The following GPR62 variants were observed in gnomAD, a reference collection of about 807,000 sequenced individuals.
GPR62 encodes the protein G-protein coupled receptor GPCR8.
For missense variants in GPR62, 513 were observed against 541.5 expected, an observed-to-expected ratio of 0.95 and a Z score of 0.52; for synonymous variants, 280 against 286.9, an observed-to-expected ratio of 0.98 and a Z score of 0.24.
chr3:51,956,109 C>T lies in GPR62; in HGVS notation c.457C>T (p.Pro153Ser), dbSNP rs1328928459. 2.1e-6 allele frequency: 3 copies of T among 1,438,118 alleles called. No homozygotes were observed. Among genetic ancestry groups the T allele is most frequent in the Non-Finnish European group, 2.7e-6 (3 of 1,101,676 alleles). The allele number at this position is 1,438,118 out of a possible 1,614,324, so 89.1% of individuals were successfully genotyped here. Residue 153 changes from proline to serine, a missense_variant, in exon 1 of 1, where the codon CCC becomes TCC. Coordinates refer to ENST00000322241, the MANE Select transcript of GPR62 (RefSeq NM_080865.4). Reference sequence around the variant, plus strand: ...CGCGCTCTCCCTGCTCGGCACGCCGCCCGCACCGCCCCCTGCTCCTGCTCG... The same window carrying T: ...CGCGCTCTCCCTGCTCGGCACGCCGTCCGCACCGCCCCCTGCTCCTGCTCG... Reference protein sequence around the residue: ...LGALSLLGTPPAPPPAPARCS... With the variant: ...LGALSLLGTPSAPPPAPARCS...
In GPR62 at chr3:51,955,911, C is replaced by A; in HGVS notation, c.259C>A (p.Pro87Thr). 1 of 1,321,438 alleles carries A rather than the reference C, an allele frequency of 7.6e-7. No individual in the cohort carries two copies. The highest frequency in any genetic ancestry group is 9.6e-7 in the Non-Finnish European group (1 of 1,041,162). 81.9% of individuals were successfully genotyped at this position (1,321,438 alleles called of 1,614,324 possible). The change falls in exon 1 of 1, where the codon CCA (proline) becomes ACA (threonine). Residue 87 changes from proline (P) to threonine (T), a missense_variant. Transcript: ENST00000322241. ...GGGCCGCGTGCGCCTGGGCCCCGCG[C>A]CATGCCGCGCCGCTCGCTTCCTCTC... ...GLGRVRLGPAPCRAARFLSAA... is the reference protein window; with the variant it reads ...GLGRVRLGPATCRAARFLSAA...
At position 51,955,742 on chromosome 3, in the gene GPR62, G is replaced by T; in HGVS notation, c.90G>T (p.Leu30=). 2 of 1,606,654 alleles carry T rather than the reference G, an allele frequency of 1.2e-6. No individual in the cohort carries two copies. The highest frequency in any genetic ancestry group is 1.7e-6 in the Non-Finnish European group (2 of 1,176,880). Residue 30 remains leucine (L), a synonymous_variant, in exon 1 of 1, where the codon CTG becomes CTT. Transcript: ENST00000322241. ...CTGTCGTGGAGGTGGGGGCACTGCTGGGCAACGGCGCGCTGCTGGTCGTGG... is the reference window on the plus strand; with the variant it reads ...CTGTCGTGGAGGTGGGGGCACTGCTTGGCAACGGCGCGCTGCTGGTCGTGG... The part of the protein sequence containing the change: ...LAAVVEVGAL[L]GNGALLVVVL...
In GPR62 at chr3:51,956,641, T is replaced by G. The variant is rs1456322445; in HGVS notation, c.989T>G (p.Leu330Arg). 1 of 1,612,752 alleles carries G rather than the reference T, an allele frequency of 6.2e-7. No individual in the cohort carries two copies. Among genetic ancestry groups the G allele is most frequent in the Admixed American group, 1.7e-5 (1 of 60,034 alleles). The part of the protein sequence containing the change: ...AWHPRALLQC[L>R]QRPPEGPAVG... Reference sequence around the variant, plus strand: ...CACCCGCGGGCACTCTTGCAATGCCTCCAGAGACCCCCAGAGGGCCCTGCC... The same window carrying G: ...CACCCGCGGGCACTCTTGCAATGCCGCCAGAGACCCCCAGAGGGCCCTGCC... The change falls in exon 1 of 1, where the codon CTC (leucine) becomes CGC (arginine). Residue 330 changes from leucine (L) to arginine (R), a missense_variant. By Grantham distance (102) the Leu-to-Arg change is moderately radical. Coordinates refer to ENST00000322241, the MANE Select transcript of GPR62 (RefSeq NM_080865.4).
In GPR62 at chr3:51,956,387, G is replaced by A. The variant is rs745315037; in HGVS notation, c.735G>A (p.Leu245=). ...PGGKAALAPA[L]AVGQFAACWL... ...GCAAGGCGGCCCTGGCCCCAGCGCT[G>A]GCCGTGGGCCAATTTGCAGCCTGCT... is the stretch of plus-strand genomic sequence containing the variant. Residue 245 remains leucine, a synonymous_variant, in exon 1 of 1, where the codon CTG becomes CTA. Transcript: ENST00000322241. 2 of 1,528,916 alleles carry A rather than the reference G, an allele frequency of 1.3e-6. No homozygotes were observed. The highest frequency in any genetic ancestry group is 8.7e-7 in the Non-Finnish European group (1 of 1,146,628). 94.7% of individuals were successfully genotyped at this position (1,528,916 alleles called of 1,614,324 possible).
rs372871180 is a variant in GPR62 at position 51,956,525 on chromosome 3, G to C, written c.873G>C (p.Gly291=). Residue 291 remains glycine (G), a synonymous_variant, in exon 1 of 1, where the codon GGG becomes GGC. Coordinates refer to ENST00000322241, the MANE Select transcript of GPR62 (RefSeq NM_080865.4). The part of the protein sequence containing the change: ...SAFAAHPFLY[G]LLQRPVRLAL... Reference sequence around the variant, plus strand: ...TCGCGGCTCACCCCTTCCTGTACGGGCTGCTGCAGCGCCCCGTGCGCTTGG... The same window carrying C: ...TCGCGGCTCACCCCTTCCTGTACGGCCTGCTGCAGCGCCCCGTGCGCTTGG... The C allele has an allele frequency of 4.4e-6, 7 of 1,603,990 alleles. No individual in the cohort carries two copies. Among genetic ancestry groups the C allele is most frequent in the Admixed American group, 1.7e-5 (1 of 58,650 alleles).
chr3:51,955,926 C>A lies in GPR62; in HGVS notation c.274C>A (p.Arg92Ser). ...GGGCCCCGCGCCATGCCGCGCCGCT[C>A]GCTTCCTCTCCGCCGCTCTGCTGCC... ...RLGPAPCRAA[R>S]FLSAALLPAC... is the part of the protein sequence containing the mutation. Residue 92 changes from arginine to serine, a missense_variant, in exon 1 of 1, where the codon CGC becomes AGC. Physicochemically the swap from Arg to Ser is moderately radical, Grantham distance 110 (BLOSUM62 -1). Transcript: ENST00000322241. The A allele has an allele frequency of 2.2e-6, 3 of 1,365,578 alleles. No individual in the cohort carries two copies. The highest frequency in any genetic ancestry group is 2.8e-6 in the Non-Finnish European group (3 of 1,059,358). The allele number at this position is 1,365,578 out of a possible 1,614,324, so 84.6% of individuals were successfully genotyped here.
chr3:51,955,706 G>C lies in GPR62; in HGVS notation c.54G>C (p.Leu18Phe). 6.2e-7 allele frequency: 1 copy of C among 1,609,324 alleles called. No individual in the cohort carries two copies. Among genetic ancestry groups the C allele is most frequent in the Non-Finnish European group, 8.5e-7 (1 of 1,177,832 alleles). Residue 18 changes from leucine to phenylalanine, a missense_variant, in exon 1 of 1, where the codon TTG becomes TTC. By Grantham distance (22) the Leu-to-Phe change is conservative. Coordinates refer to ENST00000322241, the MANE Select transcript of GPR62 (RefSeq NM_080865.4). ...CAGAAGTCGCAGGCTCGTTGGGGTT[G>C]ATCCTGGCAGCTGTCGTGGAGGTGG... Reference protein sequence around the residue: ...NASEVAGSLGLILAAVVEVGA... With the variant: ...NASEVAGSLGFILAAVVEVGA...
At position 51,956,545 on chromosome 3, in the gene GPR62, G is replaced by A. The variant is rs1268433392; in HGVS notation, c.893G>A (p.Arg298His). 6 of 1,608,546 alleles carry A rather than the reference G, an allele frequency of 3.7e-6. No individual in the cohort carries two copies. The East Asian group carries it at 1.3e-4, about 36-fold the overall frequency. ...TACGGGCTGCTGCAGCGCCCCGTGC[G>A]CTTGGCACTGGGCCGCCTCTCTCGC... ...FLYGLLQRPV[R>H]LALGRLSRRA... is the part of the protein sequence containing the mutation. The change falls in exon 1 of 1, where the codon CGC becomes CAC. Residue 298 changes from arginine to histidine, a missense_variant. Transcript: ENST00000322241.
At position 51,956,172 on chromosome 3, in the gene GPR62, C is replaced by T; in HGVS notation, c.520C>T (p.Pro174Ser). ...GGCTGGGGGCCTCGGGCCCTTCCGG[C>T]CGCTCTGGGCCCTGCTGGCCTTCGC... The part of the protein sequence containing the change: ...VLAGGLGPFR[P>S]LWALLAFALP... Residue 174 changes from proline (P) to serine (S), a missense_variant, in exon 1 of 1, where the codon CCG becomes TCG. Transcript: ENST00000322241. 2 of 1,481,228 alleles carry T rather than the reference C, an allele frequency of 1.4e-6. No individual in the cohort carries two copies. The highest frequency in any genetic ancestry group is 2.9e-5 in the East Asian group (1 of 35,000). 91.8% of individuals were successfully genotyped at this position (1,481,228 alleles called of 1,614,324 possible).
Position 51,955,953 on chromosome 3 carries a change from G to C in GPR62, c.301G>C (p.Ala101Pro). The C allele has an allele frequency of 7.0e-7, 1 of 1,419,976 alleles. No individual in the cohort carries two copies. Among genetic ancestry groups the C allele is most frequent in the Non-Finnish European group, 9.2e-7 (1 of 1,086,674 alleles). The allele number at this position is 1,419,976 out of a possible 1,614,324, so 88.0% of individuals were successfully genotyped here. A position where few individuals can be genotyped will look rare whatever the true frequency, so the allele number is the denominator to read the frequency against. Residue 101 changes from alanine to proline, a missense_variant, in exon 1 of 1, where the codon GCC becomes CCC. By Grantham distance (27) the Ala-to-Pro change is conservative. Transcript: ENST00000322241. ...CTTCCTCTCCGCCGCTCTGCTGCCG[G>C]CCTGCACGCTCGGGGTGGCCGCACT... ...ARFLSAALLP[A>P]CTLGVAALGL... is the part of the protein sequence containing the mutation.
chr3:51,956,684 T>C lies in GPR62; in HGVS notation c.1032T>C (p.Ala344=). 2 of 1,612,992 alleles carry C rather than the reference T, an allele frequency of 1.2e-6. No individual in the cohort carries two copies. Among genetic ancestry groups the C allele is most frequent in the Non-Finnish European group, 8.5e-7 (1 of 1,179,946 alleles). ...PEGPAVGPSE[A]PEQTPELAGG... ...GCCCTGCCGTAGGCCCTTCTGAGGC[T>C]CCAGAACAGACCCCCGAGTTGGCAG... Residue 344 remains alanine (A), a synonymous_variant, in exon 1 of 1, where the codon GCT becomes GCC. Coordinates refer to ENST00000322241, the MANE Select transcript of GPR62 (RefSeq NM_080865.4).
chr3:51,955,529 A>T lies in GPR62; in HGVS notation c.-124A>T. On this transcript the variant is annotated 5_prime_UTR_variant, in exon 1 of 1. Coordinates refer to ENST00000322241, the MANE Select transcript of GPR62 (RefSeq NM_080865.4). Reference sequence around the variant, plus strand: ...CGTCGGAGCCACCTCCTGGGCAGCCAATGAGGTGAGGGGCCGGAGGAGCAA... The same window carrying T: ...CGTCGGAGCCACCTCCTGGGCAGCCTATGAGGTGAGGGGCCGGAGGAGCAA... 1 of 844,572 alleles carries T rather than the reference A, an allele frequency of 1.2e-6. No homozygotes were observed. The highest frequency in any genetic ancestry group is 1.8e-6 in the Non-Finnish European group (1 of 567,054). The allele number at this position is 844,572 out of a possible 1,614,324, so 52.3% of individuals were successfully genotyped here.
In GPR62 at chr3:51,955,773, C is replaced by T; in HGVS notation, c.121C>T (p.Arg41Cys). Residue 41 changes from arginine to cysteine, a missense_variant, in exon 1 of 1, where the codon CGC becomes TGC. Coordinates refer to ENST00000322241, the MANE Select transcript of GPR62 (RefSeq NM_080865.4). The stretch of plus-strand genomic sequence containing the variant: ...CGGCGCGCTGCTGGTCGTGGTGCTG[C>T]GCACGCCGGGACTGCGCGACGCGCT... ...GNGALLVVVL[R>C]TPGLRDALYL... 6.3e-7 allele frequency: 1 copy of T among 1,599,500 alleles called. No individual in the cohort carries two copies.
rs1034765061 is a variant in GPR62, at chr3:51,956,540, C to G, written c.888C>G (p.Pro296=). 1.2e-6 allele frequency: 2 copies of G among 1,607,606 alleles called. No homozygotes were observed. Among genetic ancestry groups the G allele is most frequent in the Non-Finnish European group, 1.7e-6 (2 of 1,178,112 alleles). Residue 296 remains proline, a synonymous_variant, in exon 1 of 1, where the codon CCC becomes CCG. Transcript: ENST00000322241. The part of the protein sequence containing the change: ...HPFLYGLLQR[P]VRLALGRLSR... ...TCCTGTACGGGCTGCTGCAGCGCCC[C>G]GTGCGCTTGGCACTGGGCCGCCTCT...
Position 51,957,028 on chromosome 3 carries a change from T to C in GPR62, c.*269T>C. 1 of 476,868 alleles carries C rather than the reference T, an allele frequency of 2.1e-6. No homozygotes were observed. Among genetic ancestry groups the C allele is most frequent in the Non-Finnish European group, 3.6e-6 (1 of 280,400 alleles). The allele number at this position is 476,868 out of a possible 1,614,324, so 29.5% of individuals were successfully genotyped here. A position where few individuals can be genotyped will look rare whatever the true frequency, so the allele number is the denominator to read the frequency against. ...GGGCCCCTCCAGCATAGGTGGTTTG[T>C]GAAACTCACAGGTGGTCCCCAGGCC... On this transcript the variant is annotated 3_prime_UTR_variant, in exon 1 of 1. Transcript: ENST00000322241.
rs1015935589 is a variant in GPR62, at chr3:51,957,252, G to A, written c.*493G>A. On this transcript the variant is annotated 3_prime_UTR_variant, in exon 1 of 1. Coordinates refer to ENST00000322241, the MANE Select transcript of GPR62 (RefSeq NM_080865.4). ...CCTCCACCTGCTTCTAAAATGCCCA[G>A]AAGACAACTGGACCAGTTTGGTATT... The A allele has an allele frequency of 5.9e-6, 1 of 170,406 alleles. No individual in the cohort carries two copies. The highest frequency in any genetic ancestry group is 6.5e-5 in the Admixed American group (1 of 15,390). 10.6% of individuals were successfully genotyped at this position (170,406 alleles called of 1,614,324 possible).
rs909592996 is a variant in GPR62, at chr3:51,955,831, TG to T, written c.181del (p.Ala61ArgfsTer144). ...GCGCACCTGTGCGTCGTGGACCTGC[TG>T]GCGGCCGCCTCCATCATGCCGCTGG... The part of the protein sequence containing the change: ...YLAHLCVVDL[L>X]AAASIMPLGL... On this transcript the variant is annotated frameshift_variant, in exon 1 of 1. Coordinates refer to ENST00000322241, the MANE Select transcript of GPR62 (RefSeq NM_080865.4). LOFTEE classifies it high-confidence loss of function. 3.9e-6 allele frequency: 6 copies of T among 1,527,148 alleles called. No homozygotes were observed. Among genetic ancestry groups the T allele is most frequent in the Non-Finnish European group, 4.4e-6 (5 of 1,143,244 alleles). The allele number at this position is 1,527,148 out of a possible 1,614,324, so 94.6% of individuals were successfully genotyped here.
Position 51,955,961 on chromosome 3 carries a change from G to A in GPR62, c.309G>A (p.Thr103=), listed in dbSNP as rs1699833254. 1.4e-6 allele frequency: 2 copies of A among 1,423,488 alleles called. No homozygotes were observed. The highest frequency in any genetic ancestry group is 1.8e-6 in the Non-Finnish European group (2 of 1,088,736). 88.2% of individuals were successfully genotyped at this position (1,423,488 alleles called of 1,614,324 possible). Residue 103 remains threonine (T), a synonymous_variant, in exon 1 of 1, where the codon ACG becomes ACA. Coordinates refer to ENST00000322241, the MANE Select transcript of GPR62 (RefSeq NM_080865.4). Reference sequence around the variant, plus strand: ...CCGCCGCTCTGCTGCCGGCCTGCACGCTCGGGGTGGCCGCACTTGGCCTGG... The same window carrying A: ...CCGCCGCTCTGCTGCCGGCCTGCACACTCGGGGTGGCCGCACTTGGCCTGG... The part of the protein sequence containing the change: ...FLSAALLPAC[T]LGVAALGLAR...
In GPR62 at chr3:51,956,855, G is replaced by C. The variant is rs555261087; in HGVS notation, c.*96G>C. 3.4e-6 allele frequency: 5 copies of C among 1,467,168 alleles called. No individual in the cohort carries two copies. Among genetic ancestry groups the C allele is most frequent in the Non-Finnish European group, 4.5e-6 (5 of 1,108,666 alleles). 90.9% of individuals were successfully genotyped at this position (1,467,168 alleles called of 1,614,324 possible). On this transcript the variant is annotated 3_prime_UTR_variant, in exon 1 of 1. Transcript: ENST00000322241. Reference sequence around the variant, plus strand: ...TGGATATCTGGGTCTGGAACAGGAGGAGAAAGGGTGTCTGCTGCCTGGTGA... The same window carrying C: ...TGGATATCTGGGTCTGGAACAGGAGCAGAAAGGGTGTCTGCTGCCTGGTGA...
Sources: allele counts gnomAD v4.1 joint callset, GRCh38; gene constraint gnomAD v4.1.1; transcripts MANE v1.5; gene names NCBI Gene and HGNC (gene_info 2026-07-23, HGNC 2026-07-21).